SPECC1: variants seen among roughly 807,000 people sequenced by gnomAD.
SPECC1 encodes sperm antigen with calponin homology and coiled-coil domains 1.
Under a neutral mutation model 104.1 loss-of-function variants are expected in SPECC1, and 62 were observed. That is an observed-to-expected ratio of 0.60 (90% CI 0.49 to 0.74). The LOEUF is 0.74. Among genes scored for constraint, SPECC1 ranks in the 30% least tolerant of loss-of-function variants. The pLI, the probability that SPECC1 is intolerant of heterozygous loss-of-function variation, is 0.00. For synonymous variants in SPECC1, 513 were observed against 501.6 expected (o/e 1.02, Z -0.30); for missense variants, 1,306 against 1,310.5 (o/e 1.00, Z 0.05).
intron 3 of SPECC1, among the ~76,000 whole-genome samples, chr17:20,121,997 C>T (rs2049056805): frequency 6.6e-6 from 1 of 152,196 alleles, no homozygotes; most frequent in Admixed American, 6.5e-5. Flanking sequence ...GGACAAACAT[C>T]CCTGCCTTCA....
chr17:20,058,182 T>C (rs1319914734), intron 1 of SPECC1, among the ~76,000 whole-genome samples: 1 of 152,178 alleles, frequency 6.6e-6, no homozygotes, highest in Non-Finnish European at 1.5e-5. Context: ...AAACAGTTTT[T>C]TCCTCATTTT....
intron 3 of SPECC1, among the ~76,000 whole-genome samples, chr17:20,124,961 A>G (rs1318985056): frequency 2.0e-5 from 3 of 152,194 alleles, no homozygotes; most frequent in Non-Finnish European, 2.9e-5. Flanking sequence ...TGGGCGGATC[A>G]CGAGGTCAGG....
At chr17:20,099,324 A>G (rs1313467358) in intron 2 of SPECC1, among the ~76,000 whole-genome samples, 1 of 152,074 alleles carries the variant, frequency 6.6e-6, no homozygotes, top group Admixed American at 6.6e-5. Flanking sequence ...AAATGAATAC[A>G]TACATTCCAC....
intron 1 of SPECC1, among the ~76,000 whole-genome samples, chr17:20,085,624 C>T (rs907810231): frequency 7.9e-5 from 12 of 152,336 alleles, no homozygotes; most frequent in South Asian, 4.1e-4. Flanking sequence ...CAAAGCACAG[C>T]AGTTGCTTTC....
At chr17:20,221,307 G>A (rs2037858917) in intron 4 of SPECC1, among the ~76,000 whole-genome samples, 3 of 152,042 alleles carry the variant, frequency 2.0e-5, no homozygotes, top group Admixed American at 2.0e-4. Flanking sequence ...TTCTTTGCTG[G>A]GGGACTTTTT....
At chr17:20,216,465 GT>G (rs1183302519) in intron 4 of SPECC1, among the ~76,000 whole-genome samples, 2 of 152,136 alleles carry the variant, frequency 1.3e-5, no homozygotes, top group African/African-American at 4.8e-5. Context: ...CGAGTAAGGA[GT>G]TTGGGGGTCC....
chr17:20,274,969 A>T (rs1189358730), intron 12 of SPECC1, among the ~76,000 whole-genome samples: 1 of 149,726 alleles, frequency 6.7e-6, no homozygotes, highest in Non-Finnish European at 1.5e-5. Flanking sequence ...CCTAAATGAG[A>T]TTCTTGTATT....
intron 1 of SPECC1, among the ~76,000 whole-genome samples, chr17:20,051,133 T>TTTCTTTCTTTCTTTCC (rs2045756650): frequency 1.2e-4 from 5 of 40,906 alleles, no homozygotes; most frequent in East Asian, 7.4e-4. Context: ...TCTTTCTTTC[T>TTTCTTTCTTTCTTTCC]TTCTTTCCTT....
At chr17:20,095,603 G>C (rs1567838493) in intron 1 of SPECC1, 1 of 152,306 alleles carries the variant, frequency 6.6e-6, no homozygotes, top group Non-Finnish European at 1.5e-5. Context: ...CTAACGGGCT[G>C]TGAGGGGAGA....
chr17:20,188,256 C>CTTTTTTTTTTTTTT (rs67659304), intron 3 of SPECC1, among the ~76,000 whole-genome samples: 1 of 145,918 alleles, frequency 6.9e-6, no homozygotes, highest in Non-Finnish European at 1.5e-5. Context: ...AAAAGACATC[C>CTTTTTTTTTTTTTT]TTTTTTTTTT....
chr17:20,238,614 A>G (rs2039049106), intron 7 of SPECC1: 1 of 1,042,844 alleles, frequency 9.6e-7, no homozygotes, highest in East Asian at 5.7e-5. Context: ...GCGTGAGAAG[A>G]GACATTGAGG....
At chr17:20,064,400 C>T (rs2046293455) in intron 1 of SPECC1, among the ~76,000 whole-genome samples, 1 of 152,214 alleles carries the variant, frequency 6.6e-6, no homozygotes, top group African/African-American at 2.4e-5. Context: ...GCTTTGGAAT[C>T]AAAAGGGTAA....
intron 1 of SPECC1, among the ~76,000 whole-genome samples, chr17:20,039,126 T>C (rs553794963): frequency 3.1e-4 from 47 of 152,358 alleles, no homozygotes; most frequent in African/African-American, 1.0e-3. Flanking sequence ...TCTTCCACTG[T>C]CCATCCAAGC....
rs1022759937 is a variant in SPECC1, at chr17:20,078,927, T to G, written c.-21-17704T>G. 2.0e-5 allele frequency among the ~76,000 whole-genome samples: 3 copies of G among 152,326 alleles called. No individual in the cohort carries two copies. The South Asian group carries it at 6.2e-4, about 32-fold the overall frequency. On this transcript the variant is annotated intron_variant, in intron 1 of 14. Coordinates refer to ENST00000395527, the MANE Select transcript of SPECC1 (RefSeq NM_001243439.2). The stretch of plus-strand genomic sequence containing the variant: ...TGAATATTTCATGAGTCTGAATTTG[T>G]GCATTTGTATAAAGTAAATAAACAG...
intron 1 of SPECC1, among the ~76,000 whole-genome samples, chr17:20,020,869 A>G (rs1275788274): frequency 6.6e-6 from 1 of 152,172 alleles, no homozygotes; most frequent in Non-Finnish European, 1.5e-5. Context: ...CCCGTGAACA[A>G]TGAGGGGGTC....
intron 10 of SPECC1, among the ~76,000 whole-genome samples, chr17:20,254,202 C>T (rs2039741663): frequency 7.2e-6 from 1 of 139,388 alleles, no homozygotes; most frequent in South Asian, 2.3e-4. Context: ...TAACTCCAAT[C>T]CTGGTTGTAA....
At chr17:20,293,988 T>G (rs1304033387) in intron 12 of SPECC1, among the ~76,000 whole-genome samples, 1 of 152,068 alleles carries the variant, frequency 6.6e-6, no homozygotes, top group Non-Finnish European at 1.5e-5. Flanking sequence ...AATTGAATTT[T>G]TTTTGTTTTT....
chr17:20,085,845 G>T (rs2047156095), intron 1 of SPECC1, among the ~76,000 whole-genome samples: 1 of 152,216 alleles, frequency 6.6e-6, no homozygotes, highest in Non-Finnish European at 1.5e-5. Context: ...TCAGTGGAGG[G>T]GATATCCACC....
intron 13 of SPECC1, among the ~76,000 whole-genome samples, chr17:20,298,948 A>AGAGAGAGAGAGAGAGAGAGAGAGTGTGT: frequency 2.0e-5 from 1 of 49,072 alleles, no homozygotes; most frequent in African/African-American, 9.3e-5. Flanking sequence ...AGAGAGAGAG[A>AGAGAGAGAGAGAGAGAGAGAGAGTGTGT]GTGTGTGTGT....
Sources: gnomAD v4.1 joint callset for allele counts (sites outside exome capture counted in the v4.1 genomes callset) on GRCh38, gnomAD v4.1.1 for gene constraint, MANE v1.5 for transcripts, NCBI Gene and HGNC (gene_info 2026-07-23, HGNC 2026-07-21) for gene names.